MEI4: variants seen among roughly 807,000 people sequenced by gnomAD.
MEI4 encodes meiotic double-stranded break formation protein 4.
MEI4 carries 27 observed loss-of-function variants against 31.4 expected under a neutral mutation model. That is an observed-to-expected ratio of 0.86 (90% CI 0.63 to 1.19). The LOEUF is 1.19. Ranked by LOEUF, MEI4 falls within the 50% of genes most tolerant of loss-of-function variation. The pLI, the probability that MEI4 is intolerant of heterozygous loss-of-function variation, is 0.00. For synonymous variants in MEI4, 122 were observed against 145.4 expected, an observed-to-expected ratio of 0.84 and a Z score of 1.16; for missense variants, 329 against 398.9, an observed-to-expected ratio of 0.82 and a Z score of 1.49.
chr6:77,759,398 G>A (rs1416345960), intron 2 of MEI4, among the ~76,000 whole-genome samples: 1 of 152,074 alleles, frequency 6.6e-6, no homozygotes, highest in African/African-American at 2.4e-5. Context: ...CTCCTAAAAT[G>A]CATTTTCAGT....
intron 2 of MEI4, among the ~76,000 whole-genome samples, chr6:77,737,426 C>T (rs1015166106): frequency 6.6e-6 from 1 of 151,980 alleles, no homozygotes; most frequent in Non-Finnish European, 1.5e-5. Flanking sequence ...GAGCTCTTAA[C>T]AATAAAGGCT....
chr6:77,914,520 G>A (rs1207830733), intron 4 of MEI4, among the ~76,000 whole-genome samples: 6 of 151,876 alleles, frequency 4.0e-5, no homozygotes, highest in Non-Finnish European at 8.8e-5. Context: ...CAATCCTGGG[G>A]GATATTTCAT....
At chr6:77,665,988 C>T (rs1053971734) in intron 1 of MEI4, among the ~76,000 whole-genome samples, 8 of 152,132 alleles carry the variant, frequency 5.3e-5, no homozygotes, top group South Asian at 2.1e-4. Flanking sequence ...ATCCGAGTCA[C>T]GGCACCAAAT....
At chr6:77,708,327 C>A (rs915918453) in intron 2 of MEI4, among the ~76,000 whole-genome samples, 7 of 152,194 alleles carry the variant, frequency 4.6e-5, no homozygotes, top group East Asian at 1.9e-4. Context: ...TGCATGGGAT[C>A]TGTTGCCCCT....
rs542495702 is a variant in MEI4, at chr6:77,820,465, C to A, written c.769-8466C>A. Among the ~76,000 whole-genome samples the A allele has an allele frequency of 6.6e-5, 10 of 152,096 alleles. No homozygotes were observed. Among genetic ancestry groups the A allele is most frequent in the African/African-American group, 2.4e-4 (10 of 41,490 alleles). On this transcript the variant is annotated intron_variant, in intron 3 of 4. Coordinates refer to ENST00000684080, the MANE Select transcript of MEI4 (RefSeq NM_001322247.2). The surrounding 1 kb of genome is among the most constrained non-coding windows in gnomAD (Gnocchi z 4.5). ...TATTTTAGTAGAGACAGGGTTTCAC[C>A]GTGTTGCCCAGGCTGGTCTGGAACC...
intron 2 of MEI4, among the ~76,000 whole-genome samples, chr6:77,724,966 C>T (rs912847822): frequency 2.8e-5 from 4 of 142,458 alleles, no homozygotes; most frequent in Admixed American, 7.0e-5. Flanking sequence ...GAAATACTAT[C>T]TTCTTCTGTT....
chr6:77,676,165 T>C (rs1768841275), intron 1 of MEI4, among the ~76,000 whole-genome samples: 1 of 152,182 alleles, frequency 6.6e-6, no homozygotes, highest in Non-Finnish European at 1.5e-5. Flanking sequence ...GAGATCCTCA[T>C]GAAAATTATT....
rs1766750620 is a variant in MEI4 at position 77,923,174 on chromosome 6, A to G, written c.986A>G (p.Glu329Gly). Reference protein sequence around the residue: ...VLEQLLQKETEEGNTSSIGHD... With the variant: ...VLEQLLQKETGEGNTSSIGHD... ...GAGCAGCTTCTTCAAAAGGAAACCG[A>G]AGAAGGCAACACTTCAAGTATAGGT... is the stretch of plus-strand genomic sequence containing the variant. The change falls in exon 5 of 5, where the codon GAA becomes GGA. Residue 329 changes from glutamate (E) to glycine (G), a missense_variant. Transcript: ENST00000684080. 8.1e-7 allele frequency: 1 copy of G among 1,230,602 alleles called. No individual in the cohort carries two copies. Among genetic ancestry groups the G allele is most frequent in the Admixed American group, 4.2e-5 (1 of 23,562 alleles). 76.2% of individuals were successfully genotyped at this position (1,230,602 alleles called of 1,614,324 possible).
intron 2 of MEI4, among the ~76,000 whole-genome samples, chr6:77,749,273 G>A (rs920146938): frequency 2.6e-5 from 4 of 152,128 alleles, no homozygotes; most frequent in African/African-American, 9.7e-5. Flanking sequence ...GAATGGGTTT[G>A]ATGAATTGAC....
At chr6:77,693,624 G>A (rs1160546347) in intron 2 of MEI4, among the ~76,000 whole-genome samples, 1 of 151,754 alleles carries the variant, frequency 6.6e-6, no homozygotes, top group Non-Finnish European at 1.5e-5. Flanking sequence ...TTCTCTATCT[G>A]TTACCTTAAA....
chr6:77,765,949 A>T (rs1768164123), intron 3 of MEI4, among the ~76,000 whole-genome samples: 1 of 152,164 alleles, frequency 6.6e-6, no homozygotes, highest in African/African-American at 2.4e-5. Context: ...CAAACACCAC[A>T]TGTTCTCACT....
intron 1 of MEI4, among the ~76,000 whole-genome samples, chr6:77,658,100 G>T (rs917414926): frequency 3.3e-5 from 5 of 152,194 alleles, no homozygotes; most frequent in Admixed American, 3.3e-4. Flanking sequence ...GGGTGCAGGC[G>T]GGCTGAGTCC....
Position 77,699,828 on chromosome 6 carries a change from G to A in MEI4, c.232+8925G>A, listed in dbSNP as rs998562282. Reference sequence around the variant, plus strand: ...GACCCTCAGCTGCAGGTCTGTTGGAGTTTGCTGGAGGTCCACTCCACATCC... The same window carrying A: ...GACCCTCAGCTGCAGGTCTGTTGGAATTTGCTGGAGGTCCACTCCACATCC... On this transcript the variant is annotated intron_variant, in intron 2 of 4. Coordinates refer to ENST00000684080, the MANE Select transcript of MEI4 (RefSeq NM_001322247.2). Among the ~76,000 whole-genome samples, 3 of 152,136 alleles carry A rather than the reference G, an allele frequency of 2.0e-5. No homozygotes were observed. The East Asian group carries it at 5.8e-4, about 29-fold the overall frequency.
At chr6:77,865,873 T>C (rs1771012474) in intron 4 of MEI4, among the ~76,000 whole-genome samples, 1 of 152,130 alleles carries the variant, frequency 6.6e-6, no homozygotes, top group Non-Finnish European at 1.5e-5. Context: ...TCAAAAAGCT[T>C]ATCCAACATG....
intron 4 of MEI4, among the ~76,000 whole-genome samples, chr6:77,869,968 G>C (rs1771152222): frequency 6.6e-6 from 1 of 152,002 alleles, no homozygotes; most frequent in Admixed American, 6.6e-5. Flanking sequence ...ACAACTCCTG[G>C]ACATTCCCTC....
rs1439734658 is a variant in MEI4, at chr6:77,926,067, T to G, written c.*2721T>G. The G allele has an allele frequency of 2.6e-5, 4 of 151,822 alleles. No homozygotes were observed. The highest frequency in any genetic ancestry group is 5.9e-5 in the Non-Finnish European group (4 of 67,926). The allele number at this position is 151,822 out of a possible 1,614,324, so 9.4% of individuals were successfully genotyped here. On this transcript the variant is annotated 3_prime_UTR_variant, in exon 5 of 5. Coordinates refer to ENST00000684080, the MANE Select transcript of MEI4 (RefSeq NM_001322247.2). ...AGGTTTCATCCTGAGGCAGTCCATCTTCCAATTCCACACTCCTACTTTACT... is the reference window on the plus strand; with the variant it reads ...AGGTTTCATCCTGAGGCAGTCCATCGTCCAATTCCACACTCCTACTTTACT...
At chr6:77,742,021 G>A (rs911406037) in intron 2 of MEI4, among the ~76,000 whole-genome samples, 4 of 151,948 alleles carry the variant, frequency 2.6e-5, no homozygotes, top group African/African-American at 9.7e-5. Flanking sequence ...GTCTATCATT[G>A]TTGGACATTT....
chr6:77,869,864 G>A (rs571970154), intron 4 of MEI4, among the ~76,000 whole-genome samples: 45 of 152,238 alleles, frequency 3.0e-4, no homozygotes, highest in African/African-American at 1.0e-3. Flanking sequence ...TGGTGAATAC[G>A]AGAGTGGCTG....
rs1426767877 is a variant in MEI4, at chr6:77,750,011, G to A, written c.233-11119G>A. On this transcript the variant is annotated intron_variant, in intron 2 of 4. Transcript: ENST00000684080. ...TTTTCAACCCAGAATTTCATATCCAGCCACACTGAGCTTCATAAGCGAAGG... is the reference window on the plus strand; with the variant it reads ...TTTTCAACCCAGAATTTCATATCCAACCACACTGAGCTTCATAAGCGAAGG... Among the ~76,000 whole-genome samples, 48 of 152,186 alleles carry A rather than the reference G, an allele frequency of 3.2e-4. 1 individual carries two copies. Among genetic ancestry groups the A allele is most frequent in the Admixed American group, 3.1e-3 (48 of 15,274 alleles).
Sources: allele counts gnomAD v4.1 joint callset (sites outside exome capture counted in the v4.1 genomes callset), GRCh38; gene constraint gnomAD v4.1.1; non-coding constraint Gnocchi (gnomAD v3.1); transcripts MANE v1.5; gene names NCBI Gene and HGNC (gene_info 2026-07-23, HGNC 2026-07-21).